The following MS4A6E variants were observed in gnomAD, a reference collection of about 807,000 sequenced individuals.
The protein encoded by MS4A6E is membrane spanning 4-domains A6E.
MS4A6E carries 8 observed loss-of-function variants against 13.2 expected under a neutral mutation model. That is an observed-to-expected ratio of 0.60 (90% CI 0.35 to 1.09). MS4A6E has a LOEUF of 1.09. Ranked by LOEUF, MS4A6E falls within the 50% of genes least tolerant of loss-of-function variation. The pLI, the probability that MS4A6E is intolerant of heterozygous loss-of-function variation, is 0.02. For synonymous variants in MS4A6E, 72 were observed against 67.6 expected, an observed-to-expected ratio of 1.06 and a Z score of -0.32; for missense variants, 177 against 171.1, an observed-to-expected ratio of 1.03 and a Z score of -0.19.
chr11:60,338,047 T>G, intron 3 of MS4A6E, 100 bp downstream of exon 3: 1 of 1,283,410 alleles, frequency 7.8e-7, no homozygotes, highest in Non-Finnish European at 1.1e-6. Context: ...TTAATTCTGG[T>G]TTGGGCATCT....
chr11:60,344,357 G>A (rs567051292), downstream of MS4A6E, among the ~76,000 whole-genome samples: 1 of 152,338 alleles, frequency 6.6e-6, no homozygotes, highest in East Asian at 1.9e-4. Context: ...AAGTCTGTCT[G>A]CCAGTCCTCC....
intron 4 of MS4A6E, 93 bp downstream of exon 4, chr11:60,340,057 A>G (rs1313050247): frequency 1.3e-6 from 2 of 1,565,486 alleles, no homozygotes; most frequent in East Asian, 2.3e-5. Flanking sequence ...AGAAGGAACA[A>G]TCAGTCAGTC....
downstream of MS4A6E, among the ~76,000 whole-genome samples, chr11:60,342,196 A>AG (rs2085231380): frequency 8.4e-6 from 1 of 118,522 alleles, no homozygotes; most frequent in Non-Finnish European, 1.8e-5. Context: ...AGAGAGAGAG[A>AG]GAGAGGGGGG....
chr11:60,335,159 C>A, intron 2 of MS4A6E, 117 bp downstream of exon 2: 4 of 1,406,100 alleles, frequency 2.8e-6, no homozygotes, highest in Admixed American at 2.6e-5. Context: ...GCTGGAGGGA[C>A]TTTGGGGTAG....
chr11:60,346,264 T>C (rs1288339174), downstream of MS4A6E, among the ~76,000 whole-genome samples: 1 of 152,192 alleles, frequency 6.6e-6, no homozygotes, highest in Non-Finnish European at 1.5e-5. Context: ...CGGATGCACC[T>C]GAGGAATCCT....
intron 1 of MS4A6E, 29 bp from the exon 2 acceptor site, chr11:60,334,853 A>T: frequency 6.2e-7 from 1 of 1,608,254 alleles, no homozygotes; most frequent in South Asian, 1.1e-5. Context: ...CTGTACTTTT[A>T]AGAGCTAAAT....
At chr11:60,335,485 G>A in intron 2 of MS4A6E, 4 of 430,278 alleles carry the variant, frequency 9.3e-6, no homozygotes, top group South Asian at 6.7e-5. Context: ...TTTGAGAATG[G>A]AAATGATATT....
chr11:60,333,587 T>C (rs1260098065), intron 1 of MS4A6E, among the ~76,000 whole-genome samples: 1 of 152,022 alleles, frequency 6.6e-6, no homozygotes, highest in Non-Finnish European at 1.5e-5. Context: ...AGGAGAGGGT[T>C]GGAGAGTGGG....
At chr11:60,331,797 G>A (rs1055889704) in intron 1 of MS4A6E, among the ~76,000 whole-genome samples, 22 of 152,298 alleles carry the variant, frequency 1.4e-4, no homozygotes, top group Admixed American at 1.0e-3. Flanking sequence ...TTTGCAAGGC[G>A]ATAAGGTAAC....
chr11:60,338,835 C>T (rs558508191), intron 3 of MS4A6E: 67 of 152,298 alleles, frequency 4.4e-4, no homozygotes, highest in African/African-American at 1.6e-3. Flanking sequence ...GTACAGCACC[C>T]ATTATAAACT....
chr11:60,341,597 GCA>G (rs61458299), downstream of MS4A6E, among the ~76,000 whole-genome samples: 48,103 of 150,330 alleles, frequency 0.32, 8,341 homozygotes, highest in African/African-American at 0.47. Flanking sequence ...GCACACACAC[GCA>G]CACACACACA....
At chr11:60,346,069 G>T (rs2135068718), downstream of MS4A6E, among the ~76,000 whole-genome samples, 2 of 152,158 alleles carry the variant, frequency 1.3e-5, 1 homozygote, top group South Asian at 4.2e-4. Flanking sequence ...GGAGGTTTGA[G>T]CCCCAGGAAC....
chr11:60,340,207 C>T (rs752979749), intron 4 of MS4A6E, among the ~76,000 whole-genome samples: 1 of 152,256 alleles, frequency 6.6e-6, no homozygotes, highest in South Asian at 2.1e-4. Flanking sequence ...TCAATCTTCC[C>T]ATTTTGTCAT....
chr11:60,332,864 C>A (rs2085165580), intron 1 of MS4A6E, among the ~76,000 whole-genome samples: 1 of 152,190 alleles, frequency 6.6e-6, no homozygotes, highest in Non-Finnish European at 1.5e-5. Context: ...AAGATTTTAT[C>A]TTGTTAAAAC....
intron 1 of MS4A6E, among the ~76,000 whole-genome samples, chr11:60,328,557 A>ACT (rs1491047331): frequency 6.7e-6 from 1 of 149,456 alleles, no homozygotes; most frequent in African/African-American, 2.5e-5. Context: ...ACACACACAC[A>ACT]CTCATATAAT....
At chr11:60,329,146 C>T (rs1187647350) in intron 1 of MS4A6E, among the ~76,000 whole-genome samples, 1 of 151,286 alleles carries the variant, frequency 6.6e-6, no homozygotes, top group East Asian at 1.9e-4. Flanking sequence ...CTCCCCTTGC[C>T]CCCCACCCCC....
intron 1 of MS4A6E, among the ~76,000 whole-genome samples, chr11:60,330,014 A>G (rs2085144291): frequency 6.7e-6 from 1 of 150,148 alleles, no homozygotes; most frequent in South Asian, 2.1e-4. Flanking sequence ...TTTAGTAGAG[A>G]TGGGGTTTCA....
chr11:60,333,904 A>C (rs936074034), intron 1 of MS4A6E, among the ~76,000 whole-genome samples: 1 of 152,216 alleles, frequency 6.6e-6, no homozygotes, highest in Non-Finnish European at 1.5e-5. Flanking sequence ...GGAGCACTTC[A>C]GGTGAGTGCA....
intron 2 of MS4A6E, among the ~76,000 whole-genome samples, chr11:60,336,086 C>T (rs557975503): frequency 5.3e-4 from 80 of 152,140 alleles, no homozygotes; most frequent in Non-Finnish European, 9.1e-4. Flanking sequence ...CAGAAAAATG[C>T]CAGTTCTTTC....
Sources: gnomAD v4.1 joint callset for allele counts (sites outside exome capture counted in the v4.1 genomes callset) on GRCh38, gnomAD v4.1.1 for gene constraint, MANE v1.5 for transcripts, NCBI Gene and HGNC (gene_info 2026-07-23, HGNC 2026-07-21) for gene names.